Variants in APBB1IP observed in about 807,000 individuals in gnomAD.
The protein encoded by APBB1IP is amyloid beta precursor protein binding family B member 1 interacting protein.
Under a neutral mutation model 64.9 loss-of-function variants are expected in APBB1IP, and 27 were observed. The observed-to-expected ratio is 0.42, with a 90% CI of 0.31 to 0.57. The LOEUF (loss-of-function observed/expected upper bound fraction) is 0.57, where lower values mean the gene tolerates loss of function less well. Among genes scored for constraint, APBB1IP ranks in the 20% least tolerant of loss-of-function variants. APBB1IP has a pLI of 0.20. For missense variants in APBB1IP, 812 were observed against 845.5 expected (o/e 0.96, Z 0.49); for synonymous variants, 392 against 331.0 (o/e 1.18, Z -2.00).
intron 2 of APBB1IP, among the ~76,000 whole-genome samples, chr10:26,470,934 T>C (rs949357029): frequency 3.9e-5 from 6 of 152,172 alleles, no homozygotes; most frequent in Non-Finnish European, 7.3e-5. Context: ...GCTCCATGAT[T>C]ACTGCAGTTC....
intron 2 of APBB1IP, among the ~76,000 whole-genome samples, chr10:26,486,466 T>C (rs1413488182): frequency 6.6e-6 from 1 of 152,156 alleles, no homozygotes; most frequent in East Asian, 1.9e-4. Flanking sequence ...ATGTGACTAA[T>C]GGCCTTTTAC....
intron 8 of APBB1IP, among the ~76,000 whole-genome samples, chr10:26,523,913 T>C (rs1836437384): frequency 1.3e-5 from 2 of 152,286 alleles, no homozygotes; most frequent in Middle Eastern, 3.4e-3. Context: ...GTCCTCTGCT[T>C]TACAAAGCCA....
At chr10:26,508,673 C>T (rs1043068095) in intron 6 of APBB1IP, among the ~76,000 whole-genome samples, 1 of 151,914 alleles carries the variant, frequency 6.6e-6, no homozygotes, top group Non-Finnish European at 1.5e-5. Flanking sequence ...AGCTTGCAAA[C>T]GTGAGGGAAG....
intron 2 of APBB1IP, among the ~76,000 whole-genome samples, chr10:26,440,937 T>G (rs978144990): frequency 1.3e-5 from 2 of 152,224 alleles, no homozygotes; most frequent in Non-Finnish European, 2.9e-5. Context: ...TTATTTTAAT[T>G]ATTTTTATGC....
chr10:26,456,899 T>C (rs1020597281), intron 2 of APBB1IP, among the ~76,000 whole-genome samples: 3 of 152,024 alleles, frequency 2.0e-5, no homozygotes, highest in African/African-American at 7.3e-5. Context: ...GGATGGTAGC[T>C]GGGGAAAGTG....
Position 26,566,446 on chromosome 10 carries a change from G to A in APBB1IP, c.1474-515G>A, listed in dbSNP as rs114140183. Reference sequence around the variant, plus strand: ...ATTTTTGTATTTTTAAAGGAGAAAAGGTTTCACCATATTGTTCAGGTTGGT... The same window carrying A: ...ATTTTTGTATTTTTAAAGGAGAAAAAGTTTCACCATATTGTTCAGGTTGGT... On this transcript the variant is annotated intron_variant, in intron 14 of 14. Coordinates refer to ENST00000376236, the MANE Select transcript of APBB1IP (RefSeq NM_019043.4). 6.9e-3 allele frequency among the ~76,000 whole-genome samples: 1,047 copies of A among 152,222 alleles called. 7 individuals are homozygous for A. Among genetic ancestry groups the A allele is most frequent in the African/African-American group, 0.024 (990 of 41,518 alleles).
chr10:26,466,485 T>C (rs1192034101), intron 2 of APBB1IP, among the ~76,000 whole-genome samples: 1 of 152,194 alleles, frequency 6.6e-6, no homozygotes, highest in Non-Finnish European at 1.5e-5. Context: ...CAACAGGAAT[T>C]AAGTGAATAT....
At position 26,559,915 on chromosome 10, in the gene APBB1IP, A is replaced by C. The variant is rs528557595; in HGVS notation, c.1156-190A>C. On this transcript the variant is annotated intron_variant, in intron 11 of 14. Transcript: ENST00000376236. ...CGCCTCGGCCTCCCAACATATAACA[A>C]ATTTCTTAAATCCTTTCAAAATTTA... is the stretch of plus-strand genomic sequence containing the variant. Among the ~76,000 whole-genome samples, 5 of 152,090 alleles carry C rather than the reference A, an allele frequency of 3.3e-5. 1 individual carries two copies. In the South Asian group the frequency reaches 1.0e-3, roughly 32 times the overall value.
At chr10:26,565,823 G>C (rs535694354) in intron 14 of APBB1IP, among the ~76,000 whole-genome samples, 1 of 152,310 alleles carries the variant, frequency 6.6e-6, no homozygotes, top group South Asian at 2.1e-4. Flanking sequence ...GTTGGGGAGA[G>C]AGTTGAGATC....
chr10:26,557,743 T>C (rs570747438), intron 11 of APBB1IP, among the ~76,000 whole-genome samples: 1 of 152,330 alleles, frequency 6.6e-6, no homozygotes, highest in Admixed American at 6.5e-5. Context: ...TTATCCTTTC[T>C]GGACAAAGAT....
chr10:26,507,690 A>G (rs1836200559), intron 6 of APBB1IP, among the ~76,000 whole-genome samples: 1 of 152,200 alleles, frequency 6.6e-6, no homozygotes, highest in Admixed American at 6.5e-5. Context: ...GACAAAAGAA[A>G]ATGGTAAAAG....
chr10:26,492,289 T>C, intron 2 of APBB1IP, 38 bp from the exon 3 acceptor site: 1 of 1,587,180 alleles, frequency 6.3e-7, no homozygotes, highest in Admixed American at 1.7e-5. Context: ...ATCAGGCTTT[T>C]ATGAGACTGC....
Position 26,567,516 on chromosome 10 carries a change from G to A in APBB1IP, c.*28G>A, listed in dbSNP as rs775079631. 5 of 1,533,838 alleles carry A rather than the reference G, an allele frequency of 3.3e-6. No homozygotes were observed. Among genetic ancestry groups the A allele is most frequent in the Admixed American group, 3.5e-5 (2 of 57,240 alleles). ...ACGGGCATGATGAGTGTTCCAGAGG[G>A]AGAAGCATCGCTGACCCCGAGCGCA... is the stretch of plus-strand genomic sequence containing the variant. On this transcript the variant is annotated 3_prime_UTR_variant, in exon 15 of 15. Coordinates refer to ENST00000376236, the MANE Select transcript of APBB1IP (RefSeq NM_019043.4).
intron 7 of APBB1IP, 35 bp from the exon 8 acceptor site, chr10:26,513,504 T>G: frequency 6.2e-7 from 1 of 1,608,338 alleles, no homozygotes; most frequent in Non-Finnish European, 8.5e-7. Context: ...CCTGATGTCT[T>G]GGGTCTGAAA....
intron 5 of APBB1IP, chr10:26,501,471 G>C (rs941559915): frequency 5.6e-5 from 22 of 392,538 alleles, no homozygotes; most frequent in Admixed American, 8.0e-5. Context: ...TCAGTACATA[G>C]AGAATAGAAG....
intron 6 of APBB1IP, among the ~76,000 whole-genome samples, chr10:26,511,205 A>C (rs1041443989): frequency 1.3e-5 from 2 of 152,124 alleles, no homozygotes; most frequent in Non-Finnish European, 2.9e-5. Context: ...TTAGCTGGGC[A>C]TGGTAGCAGG....
At chr10:26,523,325 T>C (rs1195579489) in intron 8 of APBB1IP, among the ~76,000 whole-genome samples, 1 of 152,190 alleles carries the variant, frequency 6.6e-6, no homozygotes, top group East Asian at 1.9e-4. Context: ...GCTGACCAGA[T>C]AATTAGGTAC....
chr10:26,558,736 AACTGCACTCCAACCTGGGC>A (rs1168519779), intron 11 of APBB1IP, among the ~76,000 whole-genome samples: 1 of 152,222 alleles, frequency 6.6e-6, no homozygotes, highest in East Asian at 1.9e-4. Context: ...GTGATGGCAC[AACTGCACTCCAACCTGGGC>A]AACAGAGTGA....
chr10:26,562,179 T>C, intron 13 of APBB1IP, 147 bp from the exon 14 acceptor site: 1 of 640,222 alleles, frequency 1.6e-6, no homozygotes, highest in East Asian at 2.7e-5. Context: ...CTTTGCTTTG[T>C]TTTTATTTTT....
Sources: allele counts gnomAD v4.1 joint callset (sites outside exome capture counted in the v4.1 genomes callset), GRCh38; gene constraint gnomAD v4.1.1; transcripts MANE v1.5; gene names NCBI Gene and HGNC (gene_info 2026-07-23, HGNC 2026-07-21).